The following RBM5 variants were observed in gnomAD, a reference collection of about 807,000 sequenced individuals.
RBM5 encodes RNA-binding protein 5.
Under a neutral mutation model 124.6 loss-of-function variants are expected in RBM5, and 15 were observed. The ratio of observed to expected loss-of-function variants is 0.12; its 90% CI spans 0.08 to 0.19. The LOEUF (loss-of-function observed/expected upper bound fraction) is 0.19. Ranked by LOEUF, RBM5 falls within the 10% of genes least tolerant of loss-of-function variation. The pLI is 1.00. For missense variants in RBM5, 580 were observed against 1,026.5 expected (o/e 0.57, Z 5.94); for synonymous variants, 337 against 361.2 (o/e 0.93, Z 0.76).
chr3:50,099,894 C>T, intron 4 of RBM5, 88 bp from the exon 5 acceptor site: 2 of 1,175,436 alleles, frequency 1.7e-6, no homozygotes, highest in Non-Finnish European at 2.3e-6. Context: ...AAAAACTTGG[C>T]TAATTAAACA....
Position 50,117,868 on chromosome 3 carries a change from G to C in RBM5, c.2323-463G>C, listed in dbSNP as rs530906427. 4.1e-4 allele frequency: 71 copies of C among 174,884 alleles called. No individual in the cohort carries two copies. In the South Asian group the frequency reaches 9.3e-3, roughly 23 times the overall value. 10.8% of individuals were successfully genotyped at this position (174,884 alleles called of 1,614,324 possible). ...CATTGAGGCATCATATCCCAGGATC[G>C]GAGGCCCCTACCCACTGGCCTTCTA... On this transcript the variant is annotated intron_variant, in intron 24 of 24. Transcript: ENST00000347869. The surrounding 1 kb of genome is among the most constrained non-coding windows in gnomAD (Gnocchi z 4.2).
chr3:50,098,118 T>C (rs746058913), intron 4 of RBM5, among the ~76,000 whole-genome samples: 10 of 152,130 alleles, frequency 6.6e-5, no homozygotes, highest in Non-Finnish European at 1.2e-4. Context: ...AAAAAAAGTT[T>C]ATCATCAGGC....
chr3:50,115,699 TGCCATCTAATGATG>T, intron 21 of RBM5, 92 bp downstream of exon 21: 4 of 1,420,886 alleles, frequency 2.8e-6, no homozygotes, highest in Non-Finnish European at 3.8e-6. Context: ...CAAAAATACC[TGCCATCTAATGATG>T]GCCTTACAGA....
At chr3:50,116,334 AAGGGAC>A (rs1371582944) in intron 22 of RBM5, 3 of 240,420 alleles carry the variant, frequency 1.2e-5, no homozygotes, top group African/African-American at 6.7e-5. Context: ...AATTAATCCC[AAGGGAC>A]AGCAGGACGT....
chr3:50,093,922 A>T (rs746400614), intron 4 of RBM5, 47 bp downstream of exon 4: 17 of 1,559,222 alleles, frequency 1.1e-5, no homozygotes, highest in Non-Finnish European at 1.5e-5. Context: ...GGCACAATGA[A>T]CTTTGAGCTT....
chr3:50,104,153 T>TA lies in RBM5; in HGVS notation c.568-94dup. On this transcript the variant is annotated intron_variant, in intron 7 of 24. Transcript: ENST00000347869. ...TACGTGAGACTTTCTGCTTTTCTGTTAGTTACTGGGACCTACCCGTGGCCC... is the reference window on the plus strand; with the variant it reads ...TACGTGAGACTTTCTGCTTTTCTGTTAAGTTACTGGGACCTACCCGTGGCCC... The TA allele has an allele frequency of 3.1e-6, 3 of 979,360 alleles. No homozygotes were observed. The South Asian group carries it at 4.1e-5, about 14-fold the overall frequency. 60.7% of individuals were successfully genotyped at this position (979,360 alleles called of 1,614,324 possible).
chr3:50,107,496 CAG>C lies in RBM5; in HGVS notation c.970_971del (p.Asp324TrpfsTer2). The C allele has an allele frequency of 6.2e-7, 1 of 1,603,898 alleles. No individual in the cohort carries two copies. The highest frequency in any genetic ancestry group is 1.7e-4 in the Middle Eastern group (1 of 6,040). On this transcript the variant is annotated frameshift_variant, in exon 12 of 25. Coordinates refer to ENST00000347869, the MANE Select transcript of RBM5 (RefSeq NM_005778.4). LOFTEE classifies it high-confidence loss of function. ...TGTGGTTTCAGAGACTTGGTCCTCT[CAG>C]ATGGTAACCGCGTCAGCGCTTTCTC...
intron 6 of RBM5, chr3:50,101,939 A>G (rs1276898716): frequency 6.6e-6 from 1 of 152,220 alleles, no homozygotes; most frequent in African/African-American, 2.4e-5. Flanking sequence ...TCTGTATATC[A>G]CAGTGAGTGG....
chr3:50,111,875 G>C (rs903254663), intron 17 of RBM5, among the ~76,000 whole-genome samples: 1 of 151,918 alleles, frequency 6.6e-6, no homozygotes, highest in Non-Finnish European at 1.5e-5. Flanking sequence ...ATTTATGACC[G>C]GGAGCTGTAT....
At chr3:50,112,264 A>T (rs910453119) in intron 17 of RBM5, 1 of 151,030 alleles carries the variant, frequency 6.6e-6, no homozygotes, top group East Asian at 1.9e-4. Context: ...AAATACAAAA[A>T]AATTAGCCAA....
intron 17 of RBM5, among the ~76,000 whole-genome samples, chr3:50,112,390 T>A (rs1174282290): frequency 3.1e-5 from 4 of 129,232 alleles, no homozygotes. Context: ...CACTCCAGCC[T>A]GGGTGACGGA....
chr3:50,113,881 C>T (rs1328067683), intron 18 of RBM5, 69 bp from the exon 19 acceptor site: 5 of 1,547,002 alleles, frequency 3.2e-6, no homozygotes, highest in Non-Finnish European at 3.5e-6. Flanking sequence ...AGATAAGATC[C>T]TTAATGGCTC....
intron 4 of RBM5, 82 bp downstream of exon 4, chr3:50,093,957 GT>G: frequency 6.7e-7 from 1 of 1,485,312 alleles, no homozygotes; most frequent in Non-Finnish European, 9.2e-7. Context: ...TCATGCTATT[GT>G]TTTATCTTAA....
In RBM5 at chr3:50,113,442, C is replaced by T. The variant is rs766463749; in HGVS notation, c.1515C>T (p.Tyr505=). ...ACTGGGATGGGGAAAAAGAGACCTA[C>T]GTGCCAGCTGCAGAGTCTAGCTCCC... ...YLYWDGEKET[Y]VPAAESSSHQ... Residue 505 remains tyrosine (Y), a synonymous_variant, in exon 18 of 25, where the codon TAC becomes TAT. Transcript: ENST00000347869. The T allele has an allele frequency of 3.7e-5, 59 of 1,613,860 alleles. No homozygotes were observed. The highest frequency in any genetic ancestry group is 8.9e-5 in the East Asian group (4 of 44,902).
chr3:50,097,059 A>G (rs1187744068), intron 4 of RBM5, among the ~76,000 whole-genome samples: 1 of 152,138 alleles, frequency 6.6e-6, no homozygotes, highest in Non-Finnish European at 1.5e-5. Context: ...TATTGTGGCT[A>G]GGGGCTAGAG....
At chr3:50,094,521 G>A (rs186622520) in intron 4 of RBM5, among the ~76,000 whole-genome samples, 1 of 151,678 alleles carries the variant, frequency 6.6e-6, no homozygotes, top group Admixed American at 6.6e-5. Context: ...TTACAGGCAG[G>A]GTCTCATTGT....
chr3:50,117,641 C>A lies in RBM5; in HGVS notation c.2322+262C>A, dbSNP rs754680046. ...ACTAAAATACAAAATATTAACTGGA[C>A]GTGGCAGCGTGTGCCTGTAATCCCA... is the stretch of plus-strand genomic sequence containing the variant. On this transcript the variant is annotated intron_variant, in intron 24 of 24. Transcript: ENST00000347869. This position sits in a 1 kb window ranked among gnomAD's most constrained non-coding sequence, Gnocchi z 4.2. 1 of 317,210 alleles carries A rather than the reference C, an allele frequency of 3.2e-6. No homozygotes were observed. The highest frequency in any genetic ancestry group is 5.9e-6 in the Non-Finnish European group (1 of 168,634). The allele number at this position is 317,210 out of a possible 1,614,324, so 19.6% of individuals were successfully genotyped here.
At position 50,093,784 on chromosome 3, in the gene RBM5, G is replaced by T; in HGVS notation, c.248G>T (p.Gly83Val). 1.2e-6 allele frequency: 2 copies of T among 1,614,084 alleles called. No individual in the cohort carries two copies. Among genetic ancestry groups the T allele is most frequent in the Non-Finnish European group, 1.7e-6 (2 of 1,179,962 alleles). ...GGCTACCATTCAGATGGTGACTATG[G>T]TGAGCACGACTATAGGCATGACATC... is the stretch of plus-strand genomic sequence containing the variant. Reference protein sequence around the residue: ...EDGYHSDGDYGEHDYRHDISD... With the variant: ...EDGYHSDGDYVEHDYRHDISD... Residue 83 changes from glycine (G) to valine (V), a missense_variant, in exon 4 of 25, where the codon GGT becomes GTT. Physicochemically the swap from Gly to Val is moderately radical, Grantham distance 109. Coordinates refer to ENST00000347869, the MANE Select transcript of RBM5 (RefSeq NM_005778.4).
chr3:50,099,906 T>C, intron 4 of RBM5, 76 bp from the exon 5 acceptor site: 1 of 1,299,936 alleles, frequency 7.7e-7, no homozygotes, highest in Non-Finnish European at 1.1e-6. Context: ...AATTAAACAG[T>C]TGATGTAATT....
Sources: allele counts gnomAD v4.1 joint callset (sites outside exome capture counted in the v4.1 genomes callset), GRCh38; gene constraint gnomAD v4.1.1; non-coding constraint Gnocchi (gnomAD v3.1); transcripts MANE v1.5; gene names NCBI Gene and HGNC (gene_info 2026-07-23, HGNC 2026-07-21).